JAKMIP1: variants seen among roughly 807,000 people sequenced by gnomAD.
JAKMIP1 encodes janus kinase and microtubule interacting protein 1, also known as janus kinase and microtubule-interacting protein 1.
In JAKMIP1, 33 loss-of-function variants were observed where a neutral mutation model predicts 113.0. The ratio of observed to expected loss-of-function variants is 0.29; its 90% CI spans 0.22 to 0.39. The LOEUF (loss-of-function observed/expected upper bound fraction) is 0.39. Among genes scored for constraint, JAKMIP1 ranks in the 10% least tolerant of loss-of-function variants. The pLI is 1.00. For missense variants in JAKMIP1, 813 were observed against 1,080.5 expected, an observed-to-expected ratio of 0.75 and a Z score of 3.47; for synonymous variants, 480 against 459.9, an observed-to-expected ratio of 1.04 and a Z score of -0.56.
In JAKMIP1 at chr4:6,042,280, A is replaced by G. The variant is rs1714428658; in HGVS notation, c.2029-53T>C. The G allele has an allele frequency of 7.0e-6, 10 of 1,419,944 alleles. No homozygotes were observed. Among genetic ancestry groups the G allele is most frequent in the Non-Finnish European group, 8.0e-6 (8 of 1,005,264 alleles). 88.0% of individuals were successfully genotyped at this position (1,419,944 alleles called of 1,614,324 possible). A position where few individuals can be genotyped will look rare whatever the true frequency, so the allele number is the denominator to read the frequency against. ...GCAGCAAAGTGAGAGTCAGAACCCA[A>G]GGGGCTGTGGAATTTCACAGGTGTG... On this transcript the variant is annotated intron_variant, in intron 16 of 20. Coordinates refer to ENST00000409021, the MANE Select transcript of JAKMIP1 (RefSeq NM_001099433.2). The surrounding 1 kb of genome is among the most constrained non-coding windows in gnomAD (Gnocchi z 5.2).
intron 3 of JAKMIP1, among the ~76,000 whole-genome samples, chr4:6,104,835 C>A (rs1015836421): frequency 1.3e-5 from 2 of 152,140 alleles, no homozygotes; most frequent in South Asian, 2.1e-4. Context: ...AGCAAGCTGG[C>A]CTAGGTGGGG....
At chr4:6,070,373 G>A (rs911590055) in intron 8 of JAKMIP1, among the ~76,000 whole-genome samples, 3 of 152,202 alleles carry the variant, frequency 2.0e-5, no homozygotes, top group Middle Eastern at 3.2e-3. Flanking sequence ...ACAGGAGTGC[G>A]CCAGAAGACG....
chr4:6,102,771 T>C (rs1420992970), intron 3 of JAKMIP1, among the ~76,000 whole-genome samples: 2 of 123,568 alleles, frequency 1.6e-5, no homozygotes, highest in Non-Finnish European at 3.2e-5. Context: ...TCTCACTCTG[T>C]CGCCCAGGCT....
chr4:6,098,808 A>G (rs1712509308), intron 3 of JAKMIP1, among the ~76,000 whole-genome samples: 4 of 152,300 alleles, frequency 2.6e-5, no homozygotes, highest in Non-Finnish European at 1.5e-5. Flanking sequence ...GATGCTCGAG[A>G]AGGCTGGCTC....
Position 6,192,732 on chromosome 4 carries a change from G to T in JAKMIP1, c.-148+7521C>A, listed in dbSNP as rs574149411. 2.0e-5 allele frequency among the ~76,000 whole-genome samples: 3 copies of T among 152,212 alleles called. No homozygotes were observed. In the South Asian group the frequency reaches 6.2e-4, roughly 32 times the overall value. On this transcript the variant is annotated intron_variant, in intron 1 of 20. Coordinates refer to ENST00000409021, the MANE Select transcript of JAKMIP1 (RefSeq NM_001099433.2). This position sits in a 1 kb window ranked among gnomAD's most constrained non-coding sequence, Gnocchi z 5.0. The stretch of plus-strand genomic sequence containing the variant: ...CAGGCAGGGTTCCTGCCCTCATAGT[G>T]CTTGATTCTAGCTTCTGGGGAGGGG...
Position 6,059,014 on chromosome 4 carries a change from T to G in JAKMIP1, c.1644+1410A>C, listed in dbSNP as rs1424296876. Among the ~76,000 whole-genome samples the G allele has an allele frequency of 6.6e-6, 1 of 152,226 alleles. No homozygotes were observed. Among genetic ancestry groups the G allele is most frequent in the Non-Finnish European group, 1.5e-5 (1 of 68,048 alleles). ...TTAGGTATTATTATTAGCCCCATTT[T>G]AAAGATGAGGAAACGGAGGCACAAA... On this transcript the variant is annotated intron_variant, in intron 11 of 20. Coordinates refer to ENST00000409021, the MANE Select transcript of JAKMIP1 (RefSeq NM_001099433.2). This position sits in a 1 kb window ranked among gnomAD's most constrained non-coding sequence, Gnocchi z 4.8.
At position 6,139,236 on chromosome 4, in the gene JAKMIP1, C is replaced by T. The variant is rs1290245909; in HGVS notation, c.-147-26239G>A. 6.6e-6 allele frequency among the ~76,000 whole-genome samples: 1 copy of T among 152,120 alleles called. No homozygotes were observed. The highest frequency in any genetic ancestry group is 2.4e-5 in the African/African-American group (1 of 41,392). On this transcript the variant is annotated intron_variant, in intron 1 of 20. Transcript: ENST00000409021. This position sits in a 1 kb window ranked among gnomAD's most constrained non-coding sequence, Gnocchi z 5.2. ...TTCACTATTTAAAAGGGTTCTGCCCCAGTTAAAAAGCATTTGAGAACCATA... is the reference window on the plus strand; with the variant it reads ...TTCACTATTTAAAAGGGTTCTGCCCTAGTTAAAAAGCATTTGAGAACCATA...
At position 6,140,188 on chromosome 4, in the gene JAKMIP1, A is replaced by G. The variant is rs1253470076; in HGVS notation, c.-147-27191T>C. ...AGAAAGGCTGACAGCGGCAGAAACA[A>G]TCAATGTTCACGTGGCTCTCCACCC... is the stretch of plus-strand genomic sequence containing the variant. On this transcript the variant is annotated intron_variant, in intron 1 of 20. Transcript: ENST00000409021. This position sits in a 1 kb window ranked among gnomAD's most constrained non-coding sequence, Gnocchi z 9.4. 6.6e-6 allele frequency among the ~76,000 whole-genome samples: 1 copy of G among 151,892 alleles called. No individual in the cohort carries two copies. Among genetic ancestry groups the G allele is most frequent in the Non-Finnish European group, 1.5e-5 (1 of 68,024 alleles).
intron 18 of JAKMIP1, among the ~76,000 whole-genome samples, chr4:6,039,775 G>A (rs1488049691): frequency 6.6e-6 from 1 of 152,174 alleles, no homozygotes; most frequent in Non-Finnish European, 1.5e-5. Flanking sequence ...CGGCCTTCAT[G>A]TCTAAATCTC....
intron 1 of JAKMIP1, among the ~76,000 whole-genome samples, chr4:6,169,843 T>C (rs1724136866): frequency 6.6e-6 from 1 of 151,886 alleles, no homozygotes; most frequent in African/African-American, 2.4e-5. Flanking sequence ...CAACCCCATG[T>C]TGTTATGAGT....
At chr4:6,174,791 C>T (rs11733902) in intron 1 of JAKMIP1, among the ~76,000 whole-genome samples, 75,690 of 149,972 alleles carry the variant, frequency 0.5, 20,200 homozygotes, top group East Asian at 0.77. Context: ...CGACACCCAG[C>T]TCCCAGGTGA....
chr4:6,145,503 A>G (rs76107736), intron 1 of JAKMIP1, among the ~76,000 whole-genome samples: 1 of 145,678 alleles, frequency 6.9e-6, no homozygotes, highest in Non-Finnish European at 1.5e-5. Flanking sequence ...AAAAAAAAAA[A>G]TTACCATATG....
chr4:6,098,524 AAG>A lies in JAKMIP1; in HGVS notation c.624+6947_624+6948del, dbSNP rs747154232. Among the ~76,000 whole-genome samples the A allele has an allele frequency of 7.5e-3, 637 of 84,878 alleles. 6 individuals carry two copies. The highest frequency in any genetic ancestry group is 0.02 in the African/African-American group (566 of 27,892). The allele number at this position is 84,878 out of a possible 152,430, so 55.7% of individuals were successfully genotyped here. A position where few individuals can be genotyped will look rare whatever the true frequency, so the allele number is the denominator to read the frequency against. ...AAGAAAGGAAAGGAAGGAAGGAAGA[AAG>A]AGAGAGAGAGAGAGAAAGAAAAAGA... On this transcript the variant is annotated intron_variant, in intron 3 of 20. Transcript: ENST00000409021.
chr4:6,037,601 G>A (rs1466673200), intron 18 of JAKMIP1, among the ~76,000 whole-genome samples: 5 of 140,758 alleles, frequency 3.6e-5, no homozygotes, highest in Non-Finnish European at 6.1e-5. Context: ...CTCCATCACC[G>A]AGGCAGAGGC....
At chr4:6,034,739 T>G (rs569068583) in intron 19 of JAKMIP1, among the ~76,000 whole-genome samples, 61 of 152,284 alleles carry the variant, frequency 4.0e-4, no homozygotes, top group African/African-American at 1.4e-3. Flanking sequence ...AGGCAGAGGT[T>G]GCAGGGAGCT....
intron 3 of JAKMIP1, among the ~76,000 whole-genome samples, chr4:6,098,154 C>T (rs1167471991): frequency 2.6e-5 from 4 of 152,128 alleles, no homozygotes; most frequent in Admixed American, 2.0e-4. Flanking sequence ...TTCCTCGTCG[C>T]GTGCGGTGGC....
chr4:6,148,780 G>A (rs908345564), intron 1 of JAKMIP1, among the ~76,000 whole-genome samples: 8 of 152,246 alleles, frequency 5.3e-5, no homozygotes, highest in African/African-American at 2.4e-5. Flanking sequence ...AGGCAGCCAG[G>A]ACCTCGTCTG....
At chr4:6,120,818 C>T (rs970198667) in intron 1 of JAKMIP1, among the ~76,000 whole-genome samples, 5 of 152,258 alleles carry the variant, frequency 3.3e-5, no homozygotes, top group East Asian at 3.9e-4. Flanking sequence ...AGAGGCTGTC[C>T]GAGTCCCCAC....
intron 1 of JAKMIP1, among the ~76,000 whole-genome samples, chr4:6,130,049 C>T (rs2108933566): frequency 6.6e-6 from 1 of 152,316 alleles, no homozygotes; most frequent in Non-Finnish European, 1.5e-5. Context: ...GTCAGAGACC[C>T]ACAGAGCCCA....
Sources: allele counts gnomAD v4.1 joint callset (sites outside exome capture counted in the v4.1 genomes callset), GRCh38; gene constraint gnomAD v4.1.1; non-coding constraint Gnocchi (gnomAD v3.1); transcripts MANE v1.5; gene names NCBI Gene and HGNC (gene_info 2026-07-23, HGNC 2026-07-21).